The following NTSR1 variants were observed in gnomAD, a reference collection of about 807,000 sequenced individuals.
NTSR1 encodes neurotensin receptor 1, also known as neurotensin receptor type 1.
In NTSR1, 29 loss-of-function variants were observed where a neutral mutation model predicts 31.2. The ratio of observed to expected loss-of-function variants is 0.93; its 90% CI spans 0.69 to 1.27. NTSR1 has a LOEUF of 1.27. NTSR1 is among the 50% of genes most tolerant of loss of function. The pLI, the probability that NTSR1 is intolerant of heterozygous loss-of-function variation, is 0.00. For missense variants in NTSR1, 697 were observed against 595.4 expected (o/e 1.17, Z -1.78); for synonymous variants, 282 against 269.9 (o/e 1.04, Z -0.44).
rs1989014219 is a variant in NTSR1 at position 62,732,341 on chromosome 20, G to GA, written c.715-22343dup. ...TTTAGTAGATGTTCTCTACCAAGCT[G>GA]AGGGAGTTCCCTTGTATTCCTGGCT... On this transcript the variant is annotated intron_variant, in intron 1 of 3. Transcript: ENST00000370501. The surrounding 1 kb of genome is among the most constrained non-coding windows in gnomAD (Gnocchi z 4.0). Among the ~76,000 whole-genome samples the GA allele has an allele frequency of 6.6e-6, 1 of 152,314 alleles. No homozygotes were observed. Among genetic ancestry groups the GA allele is most frequent in the Non-Finnish European group, 1.5e-5 (1 of 68,018 alleles).
At chr20:62,730,938 TGTTGA>T (rs1030610476) in intron 1 of NTSR1, among the ~76,000 whole-genome samples, 12 of 152,234 alleles carry the variant, frequency 7.9e-5, no homozygotes, top group Admixed American at 1.3e-4. Flanking sequence ...GTTTCCTTAT[TGTTGA>T]GTTGTAAAAG....
chr20:62,718,687 T>A (rs1324246883), intron 1 of NTSR1, among the ~76,000 whole-genome samples: 1 of 152,204 alleles, frequency 6.6e-6, no homozygotes, highest in African/African-American at 2.4e-5. Flanking sequence ...AGCTGTTGCC[T>A]GCATTGACCA....
chr20:62,709,488 T>G lies in NTSR1; in HGVS notation c.281T>G (p.Leu94Arg), dbSNP rs143042784. The change falls in exon 1 of 4, where the codon CTG (leucine) becomes CGG (arginine). Residue 94 changes from leucine (L) to arginine (R), a missense_variant. Coordinates refer to ENST00000370501, the MANE Select transcript of NTSR1 (RefSeq NM_002531.3). ...TTCACGCTGGCGCGGAAGAAGTCGC[T>G]GCAGAGCCTGCAGAGCACGGTGCAT... ...TAFTLARKKSLQSLQSTVHYH... is the reference protein window; with the variant it reads ...TAFTLARKKSRQSLQSTVHYH... The G allele has an allele frequency of 9.9e-6, 16 of 1,612,472 alleles. No homozygotes were observed. The African/African-American group carries it at 2.1e-4, about 22-fold the overall frequency.
chr20:62,734,122 C>A lies in NTSR1; in HGVS notation c.715-20563C>A, dbSNP rs539816704. ...CTGCGCTTCTCATCCTGGAAGCGAC[C>A]GCCTTGTCCCCTGCGCAGCCTCCTT... On this transcript the variant is annotated intron_variant, in intron 1 of 3. Coordinates refer to ENST00000370501, the MANE Select transcript of NTSR1 (RefSeq NM_002531.3). 2.2e-3 allele frequency among the ~76,000 whole-genome samples: 334 copies of A among 152,168 alleles called. 1 individual carries two copies. Among genetic ancestry groups the A allele is most frequent in the African/African-American group, 7.8e-3 (322 of 41,510 alleles).
chr20:62,750,822 G>A lies in NTSR1; in HGVS notation c.715-3863G>A, dbSNP rs181385577. Among the ~76,000 whole-genome samples, 3 of 152,260 alleles carry A rather than the reference G, an allele frequency of 2.0e-5. No individual in the cohort carries two copies. The East Asian group carries it at 5.8e-4, about 29-fold the overall frequency. ...CGGATGTTTCATTAGCTCGATGGCG[G>A]TGATCATTTCACAATGTATACATAG... On this transcript the variant is annotated intron_variant, in intron 1 of 3. Transcript: ENST00000370501.
rs148811344 is a variant in NTSR1, at chr20:62,753,819, G to A, written c.715-866G>A. ...CTGGTTCTGCTGCTGCCAGTCCGCA[G>A]ACATGTCCCCTTCCTGTTCTGAGCA... On this transcript the variant is annotated intron_variant, in intron 1 of 3. Transcript: ENST00000370501. Among the ~76,000 whole-genome samples, 17 of 152,384 alleles carry A rather than the reference G, an allele frequency of 1.1e-4. No homozygotes were observed. In the East Asian group the frequency reaches 3.3e-3, roughly 29 times the overall value.
intron 1 of NTSR1, among the ~76,000 whole-genome samples, chr20:62,754,059 TATG>T (rs1444194884): frequency 2.6e-5 from 4 of 152,160 alleles, no homozygotes; most frequent in Admixed American, 2.6e-4. Flanking sequence ...GCAGGGTAGC[TATG>T]ATGACCCAGC....
intron 1 of NTSR1, among the ~76,000 whole-genome samples, chr20:62,739,829 C>T (rs1032530761): frequency 4.6e-5 from 7 of 152,260 alleles, no homozygotes; most frequent in Non-Finnish European, 5.9e-5. Flanking sequence ...CAGCGGCCGG[C>T]GACGGCCAGA....
In NTSR1 at chr20:62,719,339, T is replaced by G. The variant is rs1179363111; in HGVS notation, c.714+9418T>G. 6.3e-5 allele frequency among the ~76,000 whole-genome samples: 9 copies of G among 142,448 alleles called. No individual in the cohort carries two copies. In the Admixed American group the frequency reaches 6.7e-4, roughly 11 times the overall value. The allele number at this position is 142,448 out of a possible 152,430, so 93.5% of individuals were successfully genotyped here. A position where few individuals can be genotyped will look rare whatever the true frequency, so the allele number is the denominator to read the frequency against. On this transcript the variant is annotated intron_variant, in intron 1 of 3. Transcript: ENST00000370501. Reference sequence around the variant, plus strand: ...TAATGTGGTGAATTATATTGATTACTTTCCAGTTGTGATAAAATGTACATC... The same window carrying G: ...TAATGTGGTGAATTATATTGATTACGTTCCAGTTGTGATAAAATGTACATC...
In NTSR1 at chr20:62,762,736, CT is replaced by C. The variant is rs2147152610; in HGVS notation, c.*2470del. ...GGTGGTGAAAACAAACCCCGTGTAT[CT>C]CTCAATAAAGGTGGCCGAAGGGCCT... On this transcript the variant is annotated 3_prime_UTR_variant, in exon 4 of 4. Coordinates refer to ENST00000370501, the MANE Select transcript of NTSR1 (RefSeq NM_002531.3). 6.6e-6 allele frequency: 1 copy of C among 152,358 alleles called. No individual in the cohort carries two copies. Among genetic ancestry groups the C allele is most frequent in the African/African-American group, 2.4e-5 (1 of 41,582 alleles). The allele number at this position is 152,358 out of a possible 1,614,324, so 9.4% of individuals were successfully genotyped here.
In NTSR1 at chr20:62,711,150, T is replaced by C. The variant is rs1600716182; in HGVS notation, c.714+1229T>C. Among the ~76,000 whole-genome samples, 1 of 151,578 alleles carries C rather than the reference T, an allele frequency of 6.6e-6. No homozygotes were observed. Among genetic ancestry groups the C allele is most frequent in the African/African-American group, 2.4e-5 (1 of 41,222 alleles). On this transcript the variant is annotated intron_variant, in intron 1 of 3. Transcript: ENST00000370501. This position sits in a 1 kb window ranked among gnomAD's most constrained non-coding sequence, Gnocchi z 6.4. ...GCCACCACCCAGGTGGGCTGGGGGGTGGAGGAGGGTAGAACTGAGCTCCCA... is the reference window on the plus strand; with the variant it reads ...GCCACCACCCAGGTGGGCTGGGGGGCGGAGGAGGGTAGAACTGAGCTCCCA...
At position 62,709,122 on chromosome 20, in the gene NTSR1, T is replaced by A; in HGVS notation, c.-86T>A. ...GCGCCCTCCCCTGGGCTCCCGTTCA[T>A]CGGTCCCCGCCTGAGACGCGCCCAC... On this transcript the variant is annotated 5_prime_UTR_variant, in exon 1 of 4. Transcript: ENST00000370501. 1 of 1,139,306 alleles carries A rather than the reference T, an allele frequency of 8.8e-7. No homozygotes were observed. The highest frequency in any genetic ancestry group is 3.2e-5 in the East Asian group (1 of 31,520). 70.6% of individuals were successfully genotyped at this position (1,139,306 alleles called of 1,614,324 possible). A position where few individuals can be genotyped will look rare whatever the true frequency, so the allele number is the denominator to read the frequency against.
chr20:62,709,092 G>A lies in NTSR1; in HGVS notation c.-116G>A, dbSNP rs565549680. The A allele has an allele frequency of 9.2e-3, 7,869 of 858,162 alleles. 63 individuals carry two copies. Among genetic ancestry groups the A allele is most frequent in the Non-Finnish European group, 9.8e-3 (6,053 of 617,166 alleles). 53.2% of individuals were successfully genotyped at this position (858,162 alleles called of 1,614,324 possible). ...CTGGACGGCGCGCCCGCTGGTCTTC[G>A]CCACGCGCCCTCCCCTGGGCTCCCG... On this transcript the variant is annotated 5_prime_UTR_variant, in exon 1 of 4. Coordinates refer to ENST00000370501, the MANE Select transcript of NTSR1 (RefSeq NM_002531.3).
chr20:62,738,319 G>T (rs988978452), intron 1 of NTSR1, among the ~76,000 whole-genome samples: 3 of 152,250 alleles, frequency 2.0e-5, no homozygotes, highest in African/African-American at 7.2e-5. Flanking sequence ...AACATTCCAA[G>T]AAGAGTCAGG....
In NTSR1 at chr20:62,709,649, C is replaced by T. The variant is rs764154462; in HGVS notation, c.442C>T (p.Arg148Cys). The T allele has an allele frequency of 3.7e-6, 6 of 1,612,544 alleles. 1 individual carries two copies. The highest frequency in any genetic ancestry group is 2.2e-5 in the South Asian group (2 of 91,072). ...CGGCTGCCGCGGCTACTACTTCCTGCGCGACGCCTGCACCTACGCCACGGC... is the reference window on the plus strand; with the variant it reads ...CGGCTGCCGCGGCTACTACTTCCTGTGCGACGCCTGCACCTACGCCACGGC... The part of the protein sequence containing the change: ...DAGCRGYYFL[R>C]DACTYATALN... Residue 148 changes from arginine (R) to cysteine (C), a missense_variant, in exon 1 of 4, where the codon CGC (arginine) becomes TGC (cysteine). Arg to Cys is a radical substitution (Grantham distance 180). Transcript: ENST00000370501.
chr20:62,750,692 A>G (rs1225929522), intron 1 of NTSR1, among the ~76,000 whole-genome samples: 1 of 118,528 alleles, frequency 8.4e-6, no homozygotes, highest in African/African-American at 4.4e-5. Context: ...CTCCGTCTCA[A>G]AAAAAAAAAA....
chr20:62,733,608 G>A lies in NTSR1; in HGVS notation c.715-21077G>A, dbSNP rs1600726026. Among the ~76,000 whole-genome samples the A allele has an allele frequency of 6.6e-6, 1 of 151,320 alleles. No individual in the cohort carries two copies. The highest frequency in any genetic ancestry group is 2.1e-4 in the South Asian group (1 of 4,780). On this transcript the variant is annotated intron_variant, in intron 1 of 3. Coordinates refer to ENST00000370501, the MANE Select transcript of NTSR1 (RefSeq NM_002531.3). The surrounding 1 kb of genome is among the most constrained non-coding windows in gnomAD (Gnocchi z 5.2). ...GTGGGCTGGCTTCTGGGGATGGGGAGGAGAGATACACACATGGAGAAAAAG... is the reference window on the plus strand; with the variant it reads ...GTGGGCTGGCTTCTGGGGATGGGGAAGAGAGATACACACATGGAGAAAAAG...
At chr20:62,710,336 G>C (rs1988583189) in intron 1 of NTSR1, among the ~76,000 whole-genome samples, 1 of 152,222 alleles carries the variant, frequency 6.6e-6, no homozygotes, top group Admixed American at 6.5e-5. Flanking sequence ...GTGCCTCCCA[G>C]CTGCCTGCCC....
intron 1 of NTSR1, among the ~76,000 whole-genome samples, chr20:62,723,458 A>G (rs1248068856): frequency 4.6e-5 from 7 of 152,208 alleles, no homozygotes. Context: ...AGGGCAAGGA[A>G]CGCTCATTTG....
Sources: allele counts gnomAD v4.1 joint callset (sites outside exome capture counted in the v4.1 genomes callset), GRCh38; gene constraint gnomAD v4.1.1; non-coding constraint Gnocchi (gnomAD v3.1); transcripts MANE v1.5; gene names NCBI Gene and HGNC (gene_info 2026-07-23, HGNC 2026-07-21).